The following PRKN variants were observed in gnomAD, a reference collection of about 807,000 sequenced individuals.
PRKN encodes the protein parkin RBR E3 ubiquitin protein ligase.
PRKN carries 56 observed loss-of-function variants against 59.5 expected under a neutral mutation model. The ratio of observed to expected loss-of-function variants is 0.94; its 90% CI spans 0.76 to 1.18. The LOEUF is 1.18. Ranked by LOEUF, PRKN falls within the 50% of genes most tolerant of loss-of-function variation. The pLI is 0.00. For missense variants in PRKN, 657 were observed against 596.4 expected (o/e 1.10, Z -1.06); for synonymous variants, 250 against 222.1 (o/e 1.13, Z -1.12).
At chr6:161,933,057 A>G (rs1779225040) in intron 6 of PRKN, among the ~76,000 whole-genome samples, 1 of 152,228 alleles carries the variant, frequency 6.6e-6, no homozygotes, top group South Asian at 2.1e-4. Context: ...AGGCAGGCGG[A>G]TCACCTGATG....
rs144643758 is a variant in PRKN at position 162,532,364 on chromosome 6, C to T, written c.8-88891G>A. 1.7e-3 allele frequency among the ~76,000 whole-genome samples: 266 copies of T among 152,372 alleles called. 4 individuals carry two copies. Among genetic ancestry groups the T allele is most frequent in the African/African-American group, 5.9e-3 (245 of 41,590 alleles). On this transcript the variant is annotated intron_variant, in intron 1 of 11. Coordinates refer to ENST00000366898, the MANE Select transcript of PRKN (RefSeq NM_004562.3). Reference sequence around the variant, plus strand: ...ACATCACGGAGACGTGAGCACACATCTCATAGTGCACATCGTTACACATCC... The same window carrying T: ...ACATCACGGAGACGTGAGCACACATTTCATAGTGCACATCGTTACACATCC...
chr6:161,374,281 T>G (rs1476906044), intron 10 of PRKN, among the ~76,000 whole-genome samples: 2 of 151,350 alleles, frequency 1.3e-5, no homozygotes, highest in African/African-American at 4.9e-5. Flanking sequence ...GTGGTGTGTA[T>G]GTATGTGTGT....
chr6:162,411,041 T>C (rs188324832), intron 2 of PRKN, among the ~76,000 whole-genome samples: 1 of 152,338 alleles, frequency 6.6e-6, no homozygotes, highest in Non-Finnish European at 1.5e-5. Context: ...CATATTCATA[T>C]AGTCCTTTGG....
intron 1 of PRKN, among the ~76,000 whole-genome samples, chr6:162,493,035 G>T (rs1389733041): frequency 6.6e-6 from 1 of 151,646 alleles, no homozygotes; most frequent in East Asian, 1.9e-4. Flanking sequence ...CCACACCCAA[G>T]GGAGGAGGAT....
intron 2 of PRKN, among the ~76,000 whole-genome samples, chr6:162,380,978 A>G (rs755518585): frequency 7.2e-5 from 11 of 152,102 alleles, no homozygotes; most frequent in Non-Finnish European, 1.0e-4. Flanking sequence ...TGGTCCAGAT[A>G]AGGAAAACCG....
intron 1 of PRKN, among the ~76,000 whole-genome samples, chr6:162,605,025 CA>C (rs1781854901): frequency 6.6e-6 from 1 of 152,004 alleles, no homozygotes; most frequent in Admixed American, 6.6e-5. Flanking sequence ...ATTCATACTC[CA>C]AAATTACTTG....
chr6:161,653,440 C>A (rs1171420081), intron 7 of PRKN, among the ~76,000 whole-genome samples: 1 of 152,160 alleles, frequency 6.6e-6, no homozygotes, highest in Admixed American at 6.5e-5. Context: ...CAGACCCTGG[C>A]TGGGTACTCA....
At chr6:161,934,889 A>G (rs1044564199) in intron 6 of PRKN, among the ~76,000 whole-genome samples, 1 of 152,126 alleles carries the variant, frequency 6.6e-6, no homozygotes, top group Admixed American at 6.6e-5. Flanking sequence ...TAACTTTGAG[A>G]TCTCCCAAAT....
At chr6:161,796,519 G>T (rs3016552) in intron 6 of PRKN, among the ~76,000 whole-genome samples, 1 of 152,172 alleles carries the variant, frequency 6.6e-6, no homozygotes, top group Non-Finnish European at 1.5e-5. Context: ...TAATTGTTGC[G>T]TGTAAAAAGA....
chr6:161,719,581 G>T (rs1787133050), intron 7 of PRKN, among the ~76,000 whole-genome samples: 1 of 152,118 alleles, frequency 6.6e-6, no homozygotes, highest in African/African-American at 2.4e-5. Flanking sequence ...TAAAAATCAG[G>T]AATAAAATGA....
intron 4 of PRKN, among the ~76,000 whole-genome samples, chr6:162,155,598 T>C (rs936883590): frequency 3.9e-5 from 6 of 152,098 alleles, no homozygotes; most frequent in Non-Finnish European, 5.9e-5. Context: ...ATAAAAGTGA[T>C]CTCAGAACAT....
chr6:162,086,520 A>G (rs967404338), intron 4 of PRKN, among the ~76,000 whole-genome samples: 1 of 152,188 alleles, frequency 6.6e-6, no homozygotes, highest in African/African-American at 2.4e-5. Flanking sequence ...AAAATACAAC[A>G]TTTAAAAATG....
chr6:161,612,763 T>A (rs1413484136), intron 7 of PRKN, among the ~76,000 whole-genome samples: 1 of 150,676 alleles, frequency 6.6e-6, no homozygotes. Flanking sequence ...AATCTCTGAC[T>A]GTGCTCTATA....
intron 6 of PRKN, among the ~76,000 whole-genome samples, chr6:161,924,427 T>A (rs944104969): frequency 1.3e-5 from 2 of 152,226 alleles, no homozygotes; most frequent in African/African-American, 4.8e-5. Flanking sequence ...TTTTCCACAG[T>A]GACTAAGTCT....
rs1157048433 is a variant in PRKN at position 161,371,679 on chromosome 6, C to T, written c.1168-11474G>A. Reference sequence around the variant, plus strand: ...TTTGAGACGGAGTTTTGCTCTGTCACCTAGGCTGGAGTGCAATGACACAAT... The same window carrying T: ...TTTGAGACGGAGTTTTGCTCTGTCATCTAGGCTGGAGTGCAATGACACAAT... On this transcript the variant is annotated intron_variant, in intron 10 of 11. Coordinates refer to ENST00000366898, the MANE Select transcript of PRKN (RefSeq NM_004562.3). This position sits in a 1 kb window ranked among gnomAD's most constrained non-coding sequence, Gnocchi z 5.5. 6.6e-6 allele frequency among the ~76,000 whole-genome samples: 1 copy of T among 152,086 alleles called. No homozygotes were observed. Among genetic ancestry groups the T allele is most frequent in the East Asian group, 1.9e-4 (1 of 5,186 alleles).
intron 7 of PRKN, among the ~76,000 whole-genome samples, chr6:161,782,434 TGGGAGAGAAAAGGAA>T (rs1177690600): frequency 3.3e-5 from 5 of 152,190 alleles, no homozygotes; most frequent in Non-Finnish European, 7.3e-5. Flanking sequence ...CGTTTACCTT[TGGGAGAGAAAAGGAA>T]TATTATTTAC....
chr6:162,247,750 G>T (rs576261377), intron 3 of PRKN, among the ~76,000 whole-genome samples: 33 of 152,200 alleles, frequency 2.2e-4, no homozygotes, highest in African/African-American at 7.9e-4. Flanking sequence ...TTCTAGCATA[G>T]TGTTAGAAAA....
intron 3 of PRKN, among the ~76,000 whole-genome samples, chr6:162,212,838 A>G (rs558214712): frequency 1.5e-4 from 23 of 152,336 alleles, no homozygotes; most frequent in African/African-American, 4.6e-4. Flanking sequence ...TGCAGGCAGT[A>G]ACTGTAACAG....
At chr6:161,777,042 G>T (rs1008647434) in intron 7 of PRKN, among the ~76,000 whole-genome samples, 1 of 152,092 alleles carries the variant, frequency 6.6e-6, no homozygotes, top group African/African-American at 2.4e-5. Context: ...GAACGCAGGC[G>T]CTAGAGCCAT....
Sources: allele counts gnomAD v4.1 joint callset (sites outside exome capture counted in the v4.1 genomes callset), GRCh38; gene constraint gnomAD v4.1.1; non-coding constraint Gnocchi (gnomAD v3.1); transcripts MANE v1.5; gene names NCBI Gene and HGNC (gene_info 2026-07-23, HGNC 2026-07-21).